MLKL: variants seen among roughly 807,000 people sequenced by gnomAD.
MLKL encodes the protein mixed lineage kinase domain like pseudokinase, also known as mixed lineage kinase domain-like protein.
Under a neutral mutation model 56.5 loss-of-function variants are expected in MLKL, and 55 were observed. The ratio of observed to expected loss-of-function variants is 0.97; its 90% CI spans 0.78 to 1.22. MLKL has a LOEUF of 1.22. Among genes scored for constraint, MLKL ranks in the 50% most tolerant of loss-of-function variants. The pLI, the probability that MLKL is intolerant of heterozygous loss-of-function variation, is 0.00. For missense variants in MLKL, 694 were observed against 573.9 expected, an observed-to-expected ratio of 1.21 and a Z score of -2.14; for synonymous variants, 251 against 208.3, an observed-to-expected ratio of 1.20 and a Z score of -1.76.
chr16:74,683,485 A>T (rs1325926824), intron 5 of MLKL, among the ~76,000 whole-genome samples: 1 of 150,818 alleles, frequency 6.6e-6, no homozygotes, highest in African/African-American at 2.4e-5. Context: ...AGTCCCAGCT[A>T]TTAGGGAGGC....
chr16:74,680,507 TG>T (rs1454830798), intron 6 of MLKL, among the ~76,000 whole-genome samples: 2 of 152,264 alleles, frequency 1.3e-5, no homozygotes, highest in East Asian at 3.9e-4. Context: ...TTTTGTTTTT[TG>T]TTTTTTGTTT....
chr16:74,673,332 C>T (rs539375207), intron 10 of MLKL, among the ~76,000 whole-genome samples: 1 of 152,148 alleles, frequency 6.6e-6, no homozygotes, highest in Non-Finnish European at 1.5e-5. Flanking sequence ...ATTCTCCTGC[C>T]TCAGCTTCCT....
In MLKL at chr16:74,692,329, C is replaced by A; in HGVS notation, c.535+13G>T. ...GGGGGCCATCAGAAACAGCAGGGCA[C>A]ATGATAACTTACACTGCCTCAAAGT... On this transcript the variant is annotated intron_variant, in intron 3 of 10. Transcript: ENST00000308807. The A allele has an allele frequency of 6.2e-7, 1 of 1,611,188 alleles. No homozygotes were observed. The highest frequency in any genetic ancestry group is 8.5e-7 in the Non-Finnish European group (1 of 1,178,124).
At chr16:74,675,489 A>C (rs1959539064) in intron 8 of MLKL, 85 bp from the exon 9 acceptor site, 4 of 1,574,572 alleles carry the variant, frequency 2.5e-6, no homozygotes, top group Non-Finnish European at 3.5e-6. Flanking sequence ...AACTCAGTGA[A>C]TTTTTTGATT....
intron 2 of MLKL, among the ~76,000 whole-genome samples, chr16:74,694,552 G>GCGA (rs1960906042): frequency 6.7e-6 from 1 of 149,586 alleles, no homozygotes; most frequent in African/African-American, 2.5e-5. Flanking sequence ...ATCACTTGAG[G>GCGA]CCAGGAGTTC....
rs377270491 is a variant in MLKL at position 74,680,198 on chromosome 16, C to T, written c.957-1218G>A. On this transcript the variant is annotated intron_variant, in intron 6 of 10. Transcript: ENST00000308807. ...GTGAACTTTCAGCAGCAAAGCATGC[C>T]GAGAGGGGGATGGGTAAATAGAGCT... 1.1e-4 allele frequency among the ~76,000 whole-genome samples: 17 copies of T among 152,138 alleles called. No individual in the cohort carries two copies. In the South Asian group the frequency reaches 2.3e-3, roughly 20 times the overall value.
chr16:74,699,593 C>T lies in MLKL; in HGVS notation c.-3+860G>A, dbSNP rs534596219. Reference sequence around the variant, plus strand: ...CTTGTGTTTGTAGATAGATGGCTACCGAGATGTTCACTGCAGTGCTATTTA... The same window carrying T: ...CTTGTGTTTGTAGATAGATGGCTACTGAGATGTTCACTGCAGTGCTATTTA... On this transcript the variant is annotated intron_variant, in intron 1 of 10. Coordinates refer to ENST00000308807, the MANE Select transcript of MLKL (RefSeq NM_152649.4). 6.6e-5 allele frequency among the ~76,000 whole-genome samples: 10 copies of T among 152,160 alleles called. No individual in the cohort carries two copies. The East Asian group carries it at 1.7e-3, about 26-fold the overall frequency.
intron 2 of MLKL, among the ~76,000 whole-genome samples, chr16:74,694,848 G>A (rs982012613): frequency 1.3e-5 from 2 of 149,600 alleles, no homozygotes; most frequent in African/African-American, 5.0e-5. Flanking sequence ...GCCAAAGGAT[G>A]TTAGGAGTTT....
rs954738767 is a variant in MLKL, at chr16:74,691,476, C to G, written c.536-13G>C. ...TTTGGTGGTAAATCTGACCTCACCC[C>G]CGAGAGGAAAGAAGACAAAAGAGTC... On this transcript the variant is annotated splice_polypyrimidine_tract_variant and intron_variant, in intron 3 of 10. Coordinates refer to ENST00000308807, the MANE Select transcript of MLKL (RefSeq NM_152649.4). 1.9e-6 allele frequency: 3 copies of G among 1,604,396 alleles called. No individual in the cohort carries two copies. The highest frequency in any genetic ancestry group is 2.5e-6 in the Non-Finnish European group (3 of 1,177,430).
chr16:74,683,360 C>A (rs1349108794), intron 5 of MLKL, among the ~76,000 whole-genome samples: 1 of 150,894 alleles, frequency 6.6e-6, no homozygotes, highest in Non-Finnish European at 1.5e-5. Flanking sequence ...CTTTGGGAGG[C>A]TGAGGCTGGT....
intron 4 of MLKL, among the ~76,000 whole-genome samples, chr16:74,690,585 A>G (rs747798404): frequency 2.6e-5 from 4 of 152,086 alleles, no homozygotes; most frequent in East Asian, 1.9e-4. Context: ...AGTTCCAGAC[A>G]AGCCTGGGCA....
At chr16:74,693,970 T>A (rs949592132) in intron 2 of MLKL, among the ~76,000 whole-genome samples, 3 of 152,166 alleles carry the variant, frequency 2.0e-5, no homozygotes, top group African/African-American at 7.2e-5. Flanking sequence ...GGTGTATGTA[T>A]TGGGTTGTTT....
intron 6 of MLKL, among the ~76,000 whole-genome samples, chr16:74,679,433 C>G (rs4887784): frequency 0.62 from 94,503 of 151,976 alleles, 29,469 homozygotes; most frequent in East Asian, 0.74. Context: ...TTGGGTTGCA[C>G]TCATGGTGTC....
In MLKL at chr16:74,691,386, G is replaced by T; in HGVS notation, c.613C>A (p.Pro205Thr). Residue 205 changes from proline to threonine, a missense_variant, in exon 4 of 11, where the codon CCG becomes ACG. Transcript: ENST00000308807. ...TCATTTTCCCTTAGCAGAATCCACG[G>T]GGATCCTGAAAGCTGCTCCTTCTTG... Reference protein sequence around the residue: ...EIKKEQLSGSPWILLRENEVS... With the variant: ...EIKKEQLSGSTWILLRENEVS... 1 of 1,614,080 alleles carries T rather than the reference G, an allele frequency of 6.2e-7. No individual in the cohort carries two copies. The highest frequency in any genetic ancestry group is 1.1e-5 in the South Asian group (1 of 91,084).
chr16:74,681,153 G>A (rs1282271888), intron 6 of MLKL, among the ~76,000 whole-genome samples: 2 of 152,092 alleles, frequency 1.3e-5, no homozygotes, highest in African/African-American at 2.4e-5. Flanking sequence ...AGCCTCCTGA[G>A]TAGCTGAGAT....
chr16:74,684,057 C>T (rs1359265534), intron 5 of MLKL, among the ~76,000 whole-genome samples: 1 of 151,988 alleles, frequency 6.6e-6, no homozygotes, highest in East Asian at 1.9e-4. Flanking sequence ...ACGCAATTCT[C>T]CTGCCTCAGC....
intron 4 of MLKL, among the ~76,000 whole-genome samples, chr16:74,687,971 G>A (rs905400802): frequency 3.8e-4 from 58 of 152,104 alleles, no homozygotes; most frequent in Non-Finnish European, 7.9e-4. Context: ...GACTACAGGT[G>A]CCCGCCACCA....
intron 7 of MLKL, chr16:74,676,657 AG>A (rs1959614645): frequency 5.2e-6 from 1 of 192,006 alleles, no homozygotes; most frequent in Non-Finnish European, 9.6e-6. Flanking sequence ...ACCATCGCAG[AG>A]GGGGAAAGGC....
chr16:74,675,285 G>A (rs761226964), intron 9 of MLKL, 70 bp downstream of exon 9: 5 of 1,606,470 alleles, frequency 3.1e-6, no homozygotes, highest in Non-Finnish European at 4.3e-6. Flanking sequence ...CAGCACTGAT[G>A]GGGAATTTCT....
Sources: allele counts gnomAD v4.1 joint callset (sites outside exome capture counted in the v4.1 genomes callset), GRCh38; gene constraint gnomAD v4.1.1; transcripts MANE v1.5; gene names NCBI Gene and HGNC (gene_info 2026-07-23, HGNC 2026-07-21).